Variants in FKBP5 observed in about 807,000 individuals in gnomAD.
FKBP5 encodes the protein FKBP prolyl isomerase 5.
In FKBP5, 23 loss-of-function variants were observed where a neutral mutation model predicts 50.5. The ratio of observed to expected loss-of-function variants is 0.46; its 90% CI spans 0.33 to 0.65. FKBP5 has a LOEUF of 0.65. Ranked by LOEUF, FKBP5 falls within the 30% of genes least tolerant of loss-of-function variation. The probability of loss-of-function intolerance (pLI) is 0.02; values close to 1 mark genes in which losing one functional copy is unlikely to be tolerated. For missense variants in FKBP5, 411 were observed against 553.1 expected (o/e 0.74, Z 2.58); for synonymous variants, 176 against 190.6 (o/e 0.92, Z 0.63).
intron 5 of FKBP5, among the ~76,000 whole-genome samples, chr6:35,614,614 T>C (rs1291762157): frequency 6.6e-6 from 1 of 152,162 alleles, no homozygotes; most frequent in Non-Finnish European, 1.5e-5. Context: ...AAACAAATAT[T>C]TCCTAAAGTC....
chr6:35,710,388 C>T (rs1766392929), intron 2 of FKBP5, among the ~76,000 whole-genome samples: 2 of 152,012 alleles, frequency 1.3e-5, no homozygotes, highest in South Asian at 4.2e-4. Flanking sequence ...ATCACCTGAG[C>T]CCAGGGAGGT....
At chr6:35,622,564 A>C (rs1423167403) in intron 3 of FKBP5, among the ~76,000 whole-genome samples, 1 of 152,072 alleles carries the variant, frequency 6.6e-6, no homozygotes, top group Non-Finnish European at 1.5e-5. Context: ...ACACCCATGA[A>C]AGAGATGGAA....
intron 1 of FKBP5, among the ~76,000 whole-genome samples, chr6:35,683,120 A>ATGTGTGTGTGTGTG (rs35830022): frequency 6.7e-4 from 54 of 80,680 alleles, no homozygotes; most frequent in South Asian, 1.4e-3. Context: ...ATATACGTAT[A>ATGTGTGTGTGTGTG]TGTGTGTGTG....
At chr6:35,633,318 G>C (rs1023773634) in intron 3 of FKBP5, among the ~76,000 whole-genome samples, 1 of 151,996 alleles carries the variant, frequency 6.6e-6, no homozygotes, top group South Asian at 2.1e-4. Context: ...TAAGGCAGGC[G>C]GATCACCTGA....
intron 1 of FKBP5, among the ~76,000 whole-genome samples, chr6:35,679,558 T>C (rs1765612827): frequency 2.0e-5 from 3 of 152,226 alleles, no homozygotes; most frequent in Admixed American, 6.5e-5. Context: ...AAAGAAAACA[T>C]GGCATACACA....
Position 35,574,654 on chromosome 6 carries a change from C to G in FKBP5, c.*1181G>C, listed in dbSNP as rs1429195057. 1 of 152,590 alleles carries G rather than the reference C, an allele frequency of 6.6e-6. No individual in the cohort carries two copies. The highest frequency in any genetic ancestry group is 1.5e-5 in the Non-Finnish European group (1 of 68,036). 9.5% of individuals were successfully genotyped at this position (152,590 alleles called of 1,614,324 possible). A position where few individuals can be genotyped will look rare whatever the true frequency, so the allele number is the denominator to read the frequency against. ...AGCGAGCAACTGCGTGTCAAACCTG[C>G]AGGTGAAACCCCTAGTGTAGAAGAG... On this transcript the variant is annotated 3_prime_UTR_variant, in exon 11 of 11. Coordinates refer to ENST00000357266, the MANE Select transcript of FKBP5 (RefSeq NM_004117.4).
At position 35,574,980 on chromosome 6, in the gene FKBP5, T is replaced by C. The variant is rs1762169592; in HGVS notation, c.*855A>G. 6.6e-6 allele frequency: 1 copy of C among 152,176 alleles called. No individual in the cohort carries two copies. The highest frequency in any genetic ancestry group is 1.5e-5 in the Non-Finnish European group (1 of 68,032). 9.4% of individuals were successfully genotyped at this position (152,176 alleles called of 1,614,324 possible). A position where few individuals can be genotyped will look rare whatever the true frequency, so the allele number is the denominator to read the frequency against. On this transcript the variant is annotated 3_prime_UTR_variant, in exon 11 of 11. Coordinates refer to ENST00000357266, the MANE Select transcript of FKBP5 (RefSeq NM_004117.4). Reference sequence around the variant, plus strand: ...CAATGCTGGGAGGAAGTACTGTGTATTGAATATTATTCCCTAAAAGGAATA... The same window carrying C: ...CAATGCTGGGAGGAAGTACTGTGTACTGAATATTATTCCCTAAAAGGAATA...
At chr6:35,581,944 T>C in intron 8 of FKBP5, 4 of 985,356 alleles carry the variant, frequency 4.1e-6, no homozygotes, top group Non-Finnish European at 4.8e-6. Flanking sequence ...GGAGTCTGAG[T>C]AAGAGAAAAA....
At chr6:35,630,729 C>T (rs1764129777) in intron 3 of FKBP5, among the ~76,000 whole-genome samples, 3 of 152,094 alleles carry the variant, frequency 2.0e-5, no homozygotes, top group Admixed American at 6.5e-5. Context: ...GGCAATTTAC[C>T]GAGCTTCTCT....
intron 2 of FKBP5, among the ~76,000 whole-genome samples, chr6:35,710,443 C>T (rs1045540685): frequency 6.0e-5 from 9 of 150,786 alleles, no homozygotes; most frequent in South Asian, 4.2e-4. Flanking sequence ...CTCCAACCTG[C>T]GCTACAGAGT....
At position 35,679,387 on chromosome 6, in the gene FKBP5, A is replaced by G. The variant is rs143909984; in HGVS notation, c.-20+9417T>C. Among the ~76,000 whole-genome samples the G allele has an allele frequency of 9.8e-5, 15 of 152,338 alleles. No individual in the cohort carries two copies. The East Asian group carries it at 2.9e-3, about 29-fold the overall frequency. ...TCAATTAAACACCATAGTGAAATGG[A>G]CCATAAAAGGGGAAAAGGCCTATTC... On this transcript the variant is annotated intron_variant, in intron 1 of 10. Transcript: ENST00000357266.
chr6:35,724,839 C>T (rs1474176054), intron 1 of FKBP5, among the ~76,000 whole-genome samples: 1 of 151,996 alleles, frequency 6.6e-6, no homozygotes, highest in Non-Finnish European at 1.5e-5. Context: ...TTTTTCTGAG[C>T]CTCAGTTTCC....
intron 2 of FKBP5, among the ~76,000 whole-genome samples, chr6:35,711,075 T>C (rs1766403592): frequency 6.6e-6 from 1 of 152,000 alleles, no homozygotes; most frequent in Non-Finnish European, 1.5e-5. Flanking sequence ...ATCCCATCAC[T>C]TTGGGAGGCT....
chr6:35,645,681 A>G (rs1764610290), intron 1 of FKBP5, among the ~76,000 whole-genome samples: 1 of 152,234 alleles, frequency 6.6e-6, no homozygotes, highest in African/African-American at 2.4e-5. Flanking sequence ...TGTTCATAGG[A>G]GACACATGCT....
At chr6:35,682,171 A>G (rs1435112814) in intron 1 of FKBP5, among the ~76,000 whole-genome samples, 1 of 151,900 alleles carries the variant, frequency 6.6e-6, no homozygotes, top group African/African-American at 2.4e-5. Flanking sequence ...TTATGCTAGC[A>G]ACAAAACCCA....
chr6:35,613,533 T>A (rs1387522704), intron 5 of FKBP5, among the ~76,000 whole-genome samples: 3 of 152,116 alleles, frequency 2.0e-5, no homozygotes, highest in Non-Finnish European at 4.4e-5. Context: ...AGGTTTTATA[T>A]CTGGTTTCAC....
At chr6:35,579,354 C>G (rs1762348746) in intron 9 of FKBP5, among the ~76,000 whole-genome samples, 1 of 152,096 alleles carries the variant, frequency 6.6e-6, no homozygotes, top group Non-Finnish European at 1.5e-5. Context: ...TAAGATACAT[C>G]CAATGATTAG....
intron 1 of FKBP5, among the ~76,000 whole-genome samples, chr6:35,657,458 G>A (rs542949143): frequency 2.9e-4 from 44 of 152,154 alleles, no homozygotes; most frequent in African/African-American, 1.1e-3. Context: ...ATCTTCAGCC[G>A]GGAATACTGC....
At chr6:35,617,162 G>C (rs539464341) in intron 5 of FKBP5, among the ~76,000 whole-genome samples, 111 of 152,066 alleles carry the variant, frequency 7.3e-4, no homozygotes, top group African/African-American at 2.6e-3. Context: ...TATCCCAAAT[G>C]GCAATTTGGG....
Sources: allele counts gnomAD v4.1 joint callset (sites outside exome capture counted in the v4.1 genomes callset), GRCh38; gene constraint gnomAD v4.1.1; transcripts MANE v1.5; gene names NCBI Gene and HGNC (gene_info 2026-07-23, HGNC 2026-07-21).